RPS6KA3: variants seen among roughly 807,000 people sequenced by gnomAD.
RPS6KA3 encodes the protein ribosomal protein S6 kinase alpha-3.
Under a neutral mutation model 67.2 loss-of-function variants are expected in RPS6KA3, and 4 were observed. The observed-to-expected ratio is 0.06, with a 90% CI of 0.03 to 0.14. The LOEUF is 0.14. RPS6KA3 is among the 10% of genes least tolerant of loss of function. RPS6KA3 has a pLI of 1.00. For synonymous variants in RPS6KA3, 182 were observed against 183.7 expected (o/e 0.99, Z 0.07); for missense variants, 204 against 559.0 (o/e 0.36, Z 6.40).
intron 1 of RPS6KA3, among the ~76,000 whole-genome samples, chrX:20,238,014 A>G (rs913369754): frequency 5.4e-5 from 6 of 111,450 alleles, no homozygotes; most frequent in Non-Finnish European, 1.1e-4. Flanking sequence ...ATGATGACTA[A>G]CTTGCCTGTA....
chrX:20,205,084 G>C (rs1190120238), intron 3 of RPS6KA3, among the ~76,000 whole-genome samples: 1 of 111,938 alleles, frequency 8.9e-6, no homozygotes, highest in Non-Finnish European at 1.9e-5. Context: ...GTATGTTATT[G>C]GGCATCCTGA....
At chrX:20,234,642 A>T (rs1187878520) in intron 2 of RPS6KA3, 116 bp downstream of exon 2, 1 of 553,867 alleles carries the variant, frequency 1.8e-6, no homozygotes, top group Non-Finnish European at 3.1e-6. Context: ...AGTTAATGTG[A>T]AAGGATCGAC....
In RPS6KA3 at chrX:20,169,483, A is replaced by C. The variant is rs762253691; in HGVS notation, c.1362T>G (p.Asp454Glu). Residue 454 changes from aspartate (D) to glutamate (E), a missense_variant, in exon 16 of 22, where the codon GAT (aspartate) becomes GAG (glutamate). By Grantham distance (45) the Asp-to-Glu change is conservative. Around this residue, in one of 4 missense-constraint regions of RPS6KA3, gnomAD observed 73 missense variants for 241.1 expected, o/e 0.30. Coordinates refer to ENST00000379565, the MANE Select transcript of RPS6KA3 (RefSeq NM_004586.3). ...TNMEFAVKII[D>E]KSKRDPTEEI... is the part of the protein sequence containing the mutation. ...CTTCTGTTGGGTCTCTCTTGCTTTT[A>C]TCAATAATCTAAAAGGCAAATGTTT... 18 of 1,147,862 alleles carry C rather than the reference A, an allele frequency of 1.6e-5. No homozygotes were observed. The highest frequency in any genetic ancestry group is 2.1e-5 in the Non-Finnish European group (18 of 838,216). The allele number at this position is 1,147,862 out of a possible 1,213,427, so 94.6% of individuals were successfully genotyped here.
At chrX:20,246,072 C>A (rs190126363) in intron 1 of RPS6KA3, among the ~76,000 whole-genome samples, 3 of 101,346 alleles carry the variant, frequency 3.0e-5, no homozygotes, top group African/African-American at 7.5e-5. Context: ...GAGCCGAGAT[C>A]GCGTCATTGC....
At chrX:20,200,400 A>G (rs924289895) in intron 4 of RPS6KA3, among the ~76,000 whole-genome samples, 1 of 112,353 alleles carries the variant, frequency 8.9e-6, no homozygotes, top group Non-Finnish European at 1.9e-5. Context: ...GAGTGGGCAA[A>G]GCATAGCTAT....
intron 15 of RPS6KA3, 39 bp from the exon 16 acceptor site, chrX:20,169,530 T>A: frequency 1.2e-6 from 1 of 811,269 alleles, no homozygotes; most frequent in Non-Finnish European, 1.9e-6. Flanking sequence ...TCATCAACTA[T>A]ACAGTTATAA....
At chrX:20,233,847 C>T (rs1206980742) in intron 2 of RPS6KA3, among the ~76,000 whole-genome samples, 1 of 112,451 alleles carries the variant, frequency 8.9e-6, no homozygotes, top group African/African-American at 3.2e-5. Context: ...GTAAAAAGAA[C>T]AAGTTGCAGA....
chrX:20,227,773 CAATT>C (rs2069160517), intron 2 of RPS6KA3, among the ~76,000 whole-genome samples: 1 of 110,387 alleles, frequency 9.1e-6, no homozygotes. Context: ...AAGATGCTGT[CAATT>C]AATATATGTC....
chrX:20,234,187 G>A (rs1468261931), intron 2 of RPS6KA3, among the ~76,000 whole-genome samples: 1 of 112,586 alleles, frequency 8.9e-6, no homozygotes, highest in Non-Finnish European at 1.9e-5. Flanking sequence ...TAAGCTTCAG[G>A]CTAGGCACAT....
intron 1 of RPS6KA3, among the ~76,000 whole-genome samples, chrX:20,258,974 G>A (rs987119809): frequency 1.8e-5 from 2 of 111,614 alleles, no homozygotes; most frequent in South Asian, 3.7e-4. Flanking sequence ...CTTCAAGAGA[G>A]GAAGGTAAAT....
chrX:20,208,072 C>T (rs1371592965), intron 3 of RPS6KA3, among the ~76,000 whole-genome samples: 1 of 111,314 alleles, frequency 9.0e-6, no homozygotes, highest in East Asian at 2.8e-4. Context: ...ATAGTTTTTT[C>T]ACAGACTGGC....
chrX:20,248,992 C>T (rs58171852), intron 1 of RPS6KA3, among the ~76,000 whole-genome samples: 265 of 111,904 alleles, frequency 2.4e-3, no homozygotes, highest in African/African-American at 8.0e-3. Context: ...CACTTCCCTC[C>T]CCTTTTCCTA....
At chrX:20,260,407 A>C (rs180832230) in intron 1 of RPS6KA3, among the ~76,000 whole-genome samples, 267 of 112,056 alleles carry the variant, frequency 2.4e-3, no homozygotes, top group Middle Eastern at 4.6e-3. Context: ...GCAATGTTAA[A>C]AATGTGAACA....
rs1430336612 is a variant in RPS6KA3 at position 20,266,759 on chromosome X, GGCAGCGGCAGCA to G, written c.-139_-128del. The G allele has an allele frequency of 2.3e-5, 8 of 340,451 alleles. No individual in the cohort carries two copies. The highest frequency in any genetic ancestry group is 2.9e-5 in the African/African-American group (1 of 33,934). 28.1% of individuals were successfully genotyped at this position (340,451 alleles called of 1,213,427 possible). A position where few individuals can be genotyped will look rare whatever the true frequency, so the allele number is the denominator to read the frequency against. On this transcript the variant is annotated 5_prime_UTR_variant, in exon 1 of 22. Transcript: ENST00000379565. ...CGGCGGCGGCGGCGGCAGCGGCAGC[GGCAGCGGCAGCA>G]GCAGCAGCAGCGGCGGCGGCCCCAG...
intron 1 of RPS6KA3, among the ~76,000 whole-genome samples, chrX:20,236,237 GTGTCTACAA>G (rs1335444853): frequency 2.7e-5 from 3 of 111,759 alleles, no homozygotes; most frequent in Non-Finnish European, 3.8e-5. Flanking sequence ...ATATTCTAAT[GTGTCTACAA>G]TGTCTACAAT....
chrX:20,186,655 C>T (rs972160108), intron 9 of RPS6KA3, among the ~76,000 whole-genome samples: 4 of 107,339 alleles, frequency 3.7e-5, no homozygotes, highest in Non-Finnish European at 5.8e-5. Flanking sequence ...CCCAGTGGTG[C>T]AATCTCAGCT....
At chrX:20,256,287 T>G (rs2070063187) in intron 1 of RPS6KA3, among the ~76,000 whole-genome samples, 1 of 109,972 alleles carries the variant, frequency 9.1e-6, no homozygotes, top group Non-Finnish European at 1.9e-5. Context: ...TTAAATTTCC[T>G]TTTCTTATAC....
At chrX:20,175,138 C>G in intron 14 of RPS6KA3, 26 bp downstream of exon 14, 1 of 1,183,150 alleles carries the variant, frequency 8.5e-7, no homozygotes, top group Non-Finnish European at 1.2e-6. Flanking sequence ...CATTCCAAAT[C>G]TAAAATTATT....
At chrX:20,236,255 A>G (rs1440170819) in intron 1 of RPS6KA3, among the ~76,000 whole-genome samples, 10 of 111,988 alleles carry the variant, frequency 8.9e-5, no homozygotes, top group South Asian at 7.4e-4. Context: ...AATGTCTACA[A>G]TGAATACGTA....
Sources: allele counts gnomAD v4.1 joint callset (sites outside exome capture counted in the v4.1 genomes callset), GRCh38; gene constraint gnomAD v4.1.1; regional missense constraint gnomAD v4.1.1; transcripts MANE v1.5; gene names NCBI Gene and HGNC (gene_info 2026-07-23, HGNC 2026-07-21).